TTK: variants seen among roughly 807,000 people sequenced by gnomAD.
TTK encodes the protein TTK protein kinase.
TTK carries 59 observed loss-of-function variants against 117.3 expected under a neutral mutation model. The observed-to-expected ratio is 0.50, with a 90% confidence interval of 0.41 to 0.62. The LOEUF (loss-of-function observed/expected upper bound fraction) is 0.62, where lower values mean the gene tolerates loss of function less well. TTK is among the 20% of genes least tolerant of loss of function. TTK has a pLI of 0.00. For missense variants in TTK, 921 were observed against 989.4 expected (o/e 0.93, Z 0.93); for synonymous variants, 302 against 325.0 (o/e 0.93, Z 0.76).
intron 13 of TTK, among the ~76,000 whole-genome samples, chr6:80,029,227 C>T (rs576033622): frequency 3.9e-5 from 6 of 152,116 alleles, no homozygotes; most frequent in Non-Finnish European, 8.8e-5. Flanking sequence ...GGTATTTGCA[C>T]CACCATCCAT....
At chr6:80,013,453 T>G in intron 9 of TTK, 87 bp downstream of exon 9, 2 of 1,072,120 alleles carry the variant, frequency 1.9e-6, no homozygotes, top group South Asian at 2.9e-5. Flanking sequence ...GGGAAAGGGT[T>G]TATAAATAGT....
chr6:80,023,630 A>C (rs951879616), intron 11 of TTK, among the ~76,000 whole-genome samples: 2 of 152,170 alleles, frequency 1.3e-5, no homozygotes, highest in African/African-American at 4.8e-5. Flanking sequence ...TGATAAACTC[A>C]TGTGAATATA....
chr6:80,022,743 G>A (rs1767495223), intron 11 of TTK, among the ~76,000 whole-genome samples: 2 of 152,302 alleles, frequency 1.3e-5, no homozygotes, highest in Admixed American at 1.3e-4. Context: ...GCCTGATTGT[G>A]TAAATAAAGA....
rs539048923 is a variant in TTK, at chr6:80,026,750, G to A, written c.1394+236G>A. On this transcript the variant is annotated intron_variant, in intron 12 of 21. Transcript: ENST00000369798. ...TGTAGTTTCTGTCATATCGTAATCT[G>A]TACCTACAACCTATAAATATTCTAA... Among the ~76,000 whole-genome samples, 34 of 152,260 alleles carry A rather than the reference G, an allele frequency of 2.2e-4. 2 individuals are homozygous for A. In the South Asian group the frequency reaches 6.6e-3, roughly 30 times the overall value.
chr6:80,012,102 A>C (rs1428883433), intron 8 of TTK, 122 bp downstream of exon 8: 1 of 768,392 alleles, frequency 1.3e-6, no homozygotes, highest in Non-Finnish European at 1.9e-6. Flanking sequence ...GTTTTAGAAG[A>C]TAATCTCTAA....
intron 10 of TTK, among the ~76,000 whole-genome samples, chr6:80,020,676 C>G (rs1767434620): frequency 6.6e-6 from 1 of 152,170 alleles, no homozygotes; most frequent in Admixed American, 6.5e-5. Flanking sequence ...ATGCTTTCTC[C>G]CCTAACAAAG....
intron 16 of TTK, among the ~76,000 whole-genome samples, 157 bp from the exon 17 acceptor site, chr6:80,036,318 C>T (rs1767904716): frequency 6.6e-6 from 1 of 152,080 alleles, no homozygotes; most frequent in Admixed American, 6.6e-5. Flanking sequence ...TGGCACATAA[C>T]AAGTGCTATG....
At chr6:80,011,346 A>T in intron 5 of TTK, 88 bp from the exon 6 acceptor site, 1 of 897,438 alleles carries the variant, frequency 1.1e-6, no homozygotes, top group Non-Finnish European at 1.6e-6. Flanking sequence ...CTATGAATTG[A>T]CTTTTAAAAT....
At chr6:80,033,808 C>G (rs1767820160) in intron 14 of TTK, among the ~76,000 whole-genome samples, 1 of 152,108 alleles carries the variant, frequency 6.6e-6, no homozygotes, top group Non-Finnish European at 1.5e-5. Flanking sequence ...TTATACATTT[C>G]CTTTTATCAA....
intron 14 of TTK, among the ~76,000 whole-genome samples, chr6:80,032,435 G>A (rs1344989471): frequency 6.6e-6 from 1 of 151,968 alleles, no homozygotes; most frequent in Non-Finnish European, 1.5e-5. Flanking sequence ...TTTCAATCTT[G>A]TGGTTTCAAA....
At chr6:80,016,064 T>C (rs1312604654) in intron 10 of TTK, among the ~76,000 whole-genome samples, 1 of 152,240 alleles carries the variant, frequency 6.6e-6, no homozygotes, top group Non-Finnish European at 1.5e-5. Flanking sequence ...TTTTATGATA[T>C]ATAGTCTGTT....
intron 15 of TTK, 57 bp downstream of exon 15, chr6:80,035,199 A>G: frequency 1.3e-6 from 2 of 1,532,834 alleles, no homozygotes; most frequent in Non-Finnish European, 1.7e-6. Context: ...CTTCAGGTAA[A>G]TATTTAGTAA....
intron 1 of TTK, chr6:80,004,933 G>GAAGT (rs1766947303): frequency 6.6e-6 from 1 of 152,312 alleles, no homozygotes; most frequent in South Asian, 2.1e-4. Flanking sequence ...GAGGAAGTAA[G>GAAGT]AAGTGGGTGT....
intron 17 of TTK, among the ~76,000 whole-genome samples, chr6:80,037,269 C>T (rs1767929390): frequency 6.6e-6 from 1 of 152,086 alleles, no homozygotes; most frequent in South Asian, 2.1e-4. Flanking sequence ...TGATGGACGA[C>T]ATGCCCTATT....
At chr6:80,041,540 CTAATA>C (rs1768048809) in intron 21 of TTK, among the ~76,000 whole-genome samples, 1 of 151,472 alleles carries the variant, frequency 6.6e-6, no homozygotes, top group Admixed American at 6.6e-5. Context: ...TAAGTTTATA[CTAATA>C]TATTATTCAA....
intron 14 of TTK, among the ~76,000 whole-genome samples, chr6:80,034,757 T>C (rs1311248427): frequency 6.6e-6 from 1 of 152,160 alleles, no homozygotes; most frequent in African/African-American, 2.4e-5. Context: ...GATTTATACC[T>C]TTAAATTATT....
intron 21 of TTK, 44 bp from the exon 22 acceptor site, chr6:80,042,075 T>G: frequency 7.6e-7 from 1 of 1,316,224 alleles, no homozygotes; most frequent in Non-Finnish European, 1.0e-6. Context: ...GACAGTACAT[T>G]TAACTAAAAA....
At chr6:80,008,832 A>G (rs1351949130) in intron 4 of TTK, among the ~76,000 whole-genome samples, 1 of 152,058 alleles carries the variant, frequency 6.6e-6, no homozygotes, top group Non-Finnish European at 1.5e-5. Flanking sequence ...TTAAATATCT[A>G]GAGCTTACAT....
At chr6:80,040,375 C>A in intron 20 of TTK, 95 bp downstream of exon 20, 1 of 1,121,422 alleles carries the variant, frequency 8.9e-7, no homozygotes, top group Non-Finnish European at 1.2e-6. Flanking sequence ...AAATTGGCTA[C>A]CCTTTGTCAG....
Sources: gnomAD v4.1 joint callset for allele counts (sites outside exome capture counted in the v4.1 genomes callset) on GRCh38, gnomAD v4.1.1 for gene constraint, MANE v1.5 for transcripts, NCBI Gene and HGNC (gene_info 2026-07-23, HGNC 2026-07-21) for gene names.